The following TEX11 variants were observed in gnomAD, a reference collection of about 807,000 sequenced individuals.
TEX11 encodes testis-expressed protein 11.
Under a neutral mutation model 84.4 loss-of-function variants are expected in TEX11, and 7 were observed. The observed-to-expected ratio is 0.08, with a 90% CI of 0.05 to 0.16. The LOEUF is 0.16. Among genes scored for constraint, TEX11 ranks in the 10% least tolerant of loss-of-function variants. The pLI is 1.00. For missense variants in TEX11, 551 were observed against 660.5 expected (o/e 0.83, Z 1.82); for synonymous variants, 264 against 222.8 (o/e 1.18, Z -1.64).
chrX:70,563,641 C>A (rs890387029), intron 25 of TEX11, among the ~76,000 whole-genome samples: 4 of 108,191 alleles, frequency 3.7e-5, no homozygotes, highest in African/African-American at 1.3e-4. Context: ...CCATTAAATA[C>A]AAAATAAGGA....
chrX:70,651,410 G>T, intron 17 of TEX11, 40 bp downstream of exon 17: 1 of 932,891 alleles, frequency 1.1e-6, no homozygotes, highest in Non-Finnish European at 1.5e-6. Flanking sequence ...TTTATTCTTT[G>T]TGTTAATAGT....
chrX:70,564,244 AAAAC>A (rs1195490389), intron 25 of TEX11, among the ~76,000 whole-genome samples: 2 of 111,513 alleles, frequency 1.8e-5, no homozygotes, highest in Admixed American at 9.5e-5. Flanking sequence ...AACAAAAACA[AAAAC>A]AAACAAACAA....
At chrX:70,531,834 T>C (rs904092786) in intron 28 of TEX11, among the ~76,000 whole-genome samples, 1 of 111,844 alleles carries the variant, frequency 8.9e-6, no homozygotes, top group Non-Finnish European at 1.9e-5. Flanking sequence ...AAGAAAAATA[T>C]AGATATTCAG....
intron 25 of TEX11, among the ~76,000 whole-genome samples, chrX:70,576,569 T>C (rs1569336451): frequency 8.9e-6 from 1 of 112,622 alleles, no homozygotes; most frequent in African/African-American, 3.2e-5. Flanking sequence ...AAGTGTTAAG[T>C]TTGGTGTGTA....
chrX:70,536,916 C>T (rs2087966622), intron 28 of TEX11, among the ~76,000 whole-genome samples: 1 of 111,751 alleles, frequency 8.9e-6, no homozygotes. Context: ...TAGGGCTTTC[C>T]TGTCCAAGAA....
rs2091733710 is a variant in TEX11 at position 70,890,819 on chromosome X, A to C, written c.38-10710T>G. ...GGCAGCAGAAACTTCTGCACACTTA[A>C]ACGTCCCTGTCTGACAGCTCTGAAG... On this transcript the variant is annotated intron_variant, in intron 2 of 29. Transcript: ENST00000374333. Among the ~76,000 whole-genome samples the C allele has an allele frequency of 3.6e-5, 4 of 112,371 alleles. No homozygotes were observed. The South Asian group carries it at 1.5e-3, about 41-fold the overall frequency.
intron 4 of TEX11, among the ~76,000 whole-genome samples, chrX:70,867,712 A>C (rs2091606981): frequency 9.0e-6 from 1 of 111,181 alleles, no homozygotes; most frequent in African/African-American, 3.3e-5. Flanking sequence ...AGGCTTCAGA[A>C]ATAACACCAC....
At chrX:70,868,225 C>G (rs2091609591) in intron 4 of TEX11, among the ~76,000 whole-genome samples, 1 of 111,615 alleles carries the variant, frequency 9.0e-6, no homozygotes, top group Non-Finnish European at 1.9e-5. Context: ...AGGATATGAA[C>G]AGCCACTTCT....
the TEX11 span, among the ~76,000 whole-genome samples, chrX:70,513,942 A>G: frequency 9.2e-6 from 1 of 109,124 alleles, no homozygotes; most frequent in African/African-American, 3.4e-5. Flanking sequence ...ACAGAAGAAT[A>G]TATCTTGGAA....
rs1029919069 is a variant in TEX11 at position 70,768,217 on chromosome X, C to T, written c.693-23998G>A. Among the ~76,000 whole-genome samples, 3 of 111,129 alleles carry T rather than the reference C, an allele frequency of 2.7e-5. No individual in the cohort carries two copies. In the Admixed American group the frequency reaches 2.9e-4, roughly 11 times the overall value. On this transcript the variant is annotated intron_variant, in intron 9 of 29. Coordinates refer to ENST00000374333, the MANE Select transcript of TEX11 (RefSeq NM_031276.3). The stretch of plus-strand genomic sequence containing the variant: ...TCCATGATGTGATTATTTCACATTG[C>T]ATGCCTGTATTGAAGCATCTCATGT...
In TEX11 at chrX:70,591,788, C is replaced by T; in HGVS notation, c.2103G>A (p.Gln701=). ...MFLSRALEEI[Q]TCNDIHNFLK... ...GGAAATTATGGATGTCATTGCATGT[C>T]TGGATCTCCTCAAGTGCACGACTCA... The change falls in exon 25 of 30, where the codon CAG becomes CAA. Residue 701 remains glutamine, a synonymous_variant. Transcript: ENST00000374333. 1 of 1,210,168 alleles carries T rather than the reference C, an allele frequency of 8.3e-7. No individual in the cohort carries two copies.
chrX:70,833,007 C>T (rs2091385278), intron 8 of TEX11, among the ~76,000 whole-genome samples: 1 of 111,248 alleles, frequency 9.0e-6, no homozygotes, highest in Admixed American at 9.6e-5. Flanking sequence ...TGGTGGCTCA[C>T]GCCTGTAATC....
intron 7 of TEX11, among the ~76,000 whole-genome samples, chrX:70,834,969 C>G (rs756780819): frequency 1.8e-5 from 2 of 111,057 alleles, no homozygotes; most frequent in African/African-American, 3.3e-5. Flanking sequence ...GTTTTCTCTT[C>G]TAACTGCTGA....
At chrX:70,612,864 A>G (rs193123223) in intron 20 of TEX11, among the ~76,000 whole-genome samples, 389 of 111,632 alleles carry the variant, frequency 3.5e-3, no homozygotes, top group Non-Finnish European at 6.2e-3. Flanking sequence ...ACAAAAAAAG[A>G]CATCTAGGCA....
At chrX:70,796,375 G>T (rs956787899) in intron 9 of TEX11, among the ~76,000 whole-genome samples, 2 of 111,677 alleles carry the variant, frequency 1.8e-5, no homozygotes, top group African/African-American at 6.5e-5. Context: ...GCAAATATAA[G>T]AATCACTGAC....
At chrX:70,808,250 C>T (rs2091232217) in intron 8 of TEX11, among the ~76,000 whole-genome samples, 1 of 107,842 alleles carries the variant, frequency 9.3e-6, no homozygotes, top group South Asian at 4.1e-4. Context: ...AGCCTGAAAT[C>T]CCAGCACTTT....
intron 9 of TEX11, among the ~76,000 whole-genome samples, chrX:70,758,101 C>A (rs1291279102): frequency 2.7e-5 from 3 of 111,924 alleles, no homozygotes; most frequent in Non-Finnish European, 3.8e-5. Flanking sequence ...GCACCCAATA[C>A]AGCAGCACCC....
At chrX:70,826,962 T>TAGA (rs1183994400) in intron 8 of TEX11, among the ~76,000 whole-genome samples, 1 of 111,159 alleles carries the variant, frequency 9.0e-6, no homozygotes, top group African/African-American at 3.3e-5. Context: ...GCACCATCCC[T>TAGA]TCCCCAACCC....
At chrX:70,522,330 T>G in the TEX11 span, among the ~76,000 whole-genome samples, 1 of 112,143 alleles carries the variant, frequency 8.9e-6, no homozygotes, top group African/African-American at 3.2e-5. Context: ...AGGGTTGTTA[T>G]CTAATTAAAT....
Sources: allele counts gnomAD v4.1 joint callset (sites outside exome capture counted in the v4.1 genomes callset), GRCh38; gene constraint gnomAD v4.1.1; transcripts MANE v1.5; gene names NCBI Gene and HGNC (gene_info 2026-07-23, HGNC 2026-07-21).